Variants in CRADD observed in about 807,000 individuals in gnomAD.
CRADD encodes death domain-containing protein CRADD.
In CRADD, 9 loss-of-function variants were observed where a neutral mutation model predicts 15.5. The ratio of observed to expected loss-of-function variants is 0.58; its 90% CI spans 0.35 to 1.01. The LOEUF is 1.01. Ranked by LOEUF, CRADD falls within the 50% of genes least tolerant of loss-of-function variation. The pLI, the probability that CRADD is intolerant of heterozygous loss-of-function variation, is 0.02. For synonymous variants in CRADD, 118 were observed against 107.6 expected, an observed-to-expected ratio of 1.10 and a Z score of -0.60; for missense variants, 227 against 250.3, an observed-to-expected ratio of 0.91 and a Z score of 0.63.
chr12:93,818,775 G>A (rs1163326251), intron 2 of CRADD, among the ~76,000 whole-genome samples: 1 of 152,196 alleles, frequency 6.6e-6, no homozygotes, highest in Non-Finnish European at 1.5e-5. Context: ...AAACCACAGG[G>A]TGAGAGAACT....
chr12:93,801,165 T>C (rs77870722), intron 2 of CRADD, among the ~76,000 whole-genome samples: 1 of 152,210 alleles, frequency 6.6e-6, no homozygotes, highest in African/African-American at 2.4e-5. Context: ...ATTGGAGGTT[T>C]TGACATTTTC....
chr12:93,698,402 A>G (rs764951091), intron 2 of CRADD, among the ~76,000 whole-genome samples: 2 of 152,118 alleles, frequency 1.3e-5, no homozygotes, highest in Non-Finnish European at 2.9e-5. Context: ...AGAGAGTAAA[A>G]CCTCTGAATC....
intron 2 of CRADD, among the ~76,000 whole-genome samples, chr12:93,768,986 T>G (rs1168410446): frequency 6.6e-6 from 1 of 152,256 alleles, no homozygotes; most frequent in Non-Finnish European, 1.5e-5. Flanking sequence ...TTTTCACATG[T>G]ATTATTTGTT....
Position 93,678,972 on chromosome 12 carries a change from TA to T in CRADD, c.201del (p.Ala68HisfsTer6). 6.2e-7 allele frequency: 1 copy of T among 1,614,046 alleles called. No homozygotes were observed. Among genetic ancestry groups the T allele is most frequent in the Non-Finnish European group, 8.5e-7 (1 of 1,179,906 alleles). On this transcript the variant is annotated frameshift_variant, in exon 2 of 3. Transcript: ENST00000332896. LOFTEE classifies it high-confidence loss of function. ...TGGATATCCTACCTTCCAGGGGCCC[TA>T]AAGCATTTGATACATTCCTAGATTC... ...LLDILPSRGP[K>X]AFDTFLDSLQ... is the part of the protein sequence containing the mutation.
Position 93,850,139 on chromosome 12 carries a change from G to A in CRADD, c.468G>A (p.Val156=). ...YRCKANHPHN[V]QSQVVEAFIR... ...GTAAGGCCAACCACCCCCACAACGT[G>A]CAGTCGCAGGTGGTGGAGGCCTTCA... The change falls in exon 3 of 3, where the codon GTG becomes GTA. Residue 156 remains valine, a synonymous_variant. Coordinates refer to ENST00000332896, the MANE Select transcript of CRADD (RefSeq NM_003805.5). This position sits in a 1 kb window ranked among gnomAD's most constrained non-coding sequence, Gnocchi z 4.0. The A allele has an allele frequency of 6.2e-7, 1 of 1,614,122 alleles. No homozygotes were observed. Among genetic ancestry groups the A allele is most frequent in the Non-Finnish European group, 8.5e-7 (1 of 1,179,962 alleles).
At chr12:93,867,404 T>TAGA (rs1491540248) in intron 2 of CRADD, among the ~76,000 whole-genome samples, 1 of 127,292 alleles carries the variant, frequency 7.9e-6, no homozygotes, top group Non-Finnish European at 1.7e-5. Flanking sequence ...TATATATATA[T>TAGA]TTTTTAAACT....
At chr12:93,887,248 C>A (rs1253307432) in intron 2 of CRADD, among the ~76,000 whole-genome samples, 3 of 152,156 alleles carry the variant, frequency 2.0e-5, no homozygotes, top group Non-Finnish European at 4.4e-5. Flanking sequence ...GAGATCAAAA[C>A]GATGATTAAA....
chr12:93,724,887 G>A (rs940077051), intron 2 of CRADD, among the ~76,000 whole-genome samples: 1 of 151,772 alleles, frequency 6.6e-6, no homozygotes, highest in African/African-American at 2.4e-5. Flanking sequence ...TTGAGATGGA[G>A]TCTCGCTCTG....
At position 93,686,834 on chromosome 12, in the gene CRADD, TC is replaced by T. The variant is rs930480599; in HGVS notation, c.298+7765del. Among the ~76,000 whole-genome samples, 7 of 152,216 alleles carry T rather than the reference TC, an allele frequency of 4.6e-5. 1 individual carries two copies. Among genetic ancestry groups the T allele is most frequent in the Admixed American group, 4.6e-4 (7 of 15,286 alleles). On this transcript the variant is annotated intron_variant, in intron 2 of 2. Transcript: ENST00000332896. The stretch of plus-strand genomic sequence containing the variant: ...CTTTTTCTGCTGCGCAATCTTGGCT[TC>T]CCACTGAGTTTGAAATGGAATTGTA...
chr12:93,809,710 C>G (rs1957597630), intron 2 of CRADD, among the ~76,000 whole-genome samples: 1 of 152,184 alleles, frequency 6.6e-6, no homozygotes. Flanking sequence ...ATTGAATGAA[C>G]ACGGAATGAA....
intron 1 of CRADD, chr12:93,677,789 C>T (rs764758359): frequency 6.6e-6 from 1 of 152,348 alleles, no homozygotes; most frequent in African/African-American, 2.4e-5. Context: ...ACGTGAACAC[C>T]TCCCCTCCTC....
chr12:93,759,390 C>T (rs1402044051), intron 2 of CRADD, among the ~76,000 whole-genome samples: 2 of 151,676 alleles, frequency 1.3e-5, no homozygotes, highest in African/African-American at 4.8e-5. Context: ...AGTTTACAAA[C>T]TTCCTTTCTT....
intron 2 of CRADD, among the ~76,000 whole-genome samples, chr12:93,810,018 G>T (rs1010247386): frequency 1.3e-5 from 2 of 152,094 alleles, no homozygotes; most frequent in Non-Finnish European, 2.9e-5. Context: ...CATCAGCAAG[G>T]GCTGTGCTTC....
At chr12:93,761,087 C>T (rs967050901) in intron 2 of CRADD, among the ~76,000 whole-genome samples, 5 of 152,076 alleles carry the variant, frequency 3.3e-5, no homozygotes, top group Non-Finnish European at 7.4e-5. Flanking sequence ...TCAACTCTGG[C>T]TGCACTTTGC....
intron 2 of CRADD, among the ~76,000 whole-genome samples, chr12:93,863,617 T>TGTGTGTGC (rs1958336810): frequency 6.7e-6 from 1 of 150,022 alleles, no homozygotes; most frequent in Non-Finnish European, 1.5e-5. Flanking sequence ...TGTGTGTGTG[T>TGTGTGTGC]GTGTGTGTGT....
intron 2 of CRADD, among the ~76,000 whole-genome samples, chr12:93,690,112 A>C (rs1159499574): frequency 6.6e-6 from 1 of 152,166 alleles, no homozygotes; most frequent in Admixed American, 6.5e-5. Context: ...ACAGTGGGGG[A>C]TCTCAGGCCA....
At chr12:93,837,247 T>G (rs73222771) in intron 2 of CRADD, 3 of 121,592 alleles carry the variant, frequency 2.5e-5, no homozygotes, top group South Asian at 2.6e-4. Context: ...CATTTCACGT[T>G]TTTGTTTGTT....
intron 2 of CRADD, among the ~76,000 whole-genome samples, chr12:93,761,433 G>T (rs922246429): frequency 3.3e-5 from 5 of 152,162 alleles, no homozygotes; most frequent in Non-Finnish European, 7.4e-5. Context: ...GGGAGAAGTG[G>T]TCACTTTCAG....
At chr12:93,715,735 T>A (rs1332253530) in intron 2 of CRADD, among the ~76,000 whole-genome samples, 2 of 152,220 alleles carry the variant, frequency 1.3e-5, no homozygotes, top group Non-Finnish European at 1.5e-5. Flanking sequence ...TCCAAACTCT[T>A]TTTACTTGTA....
Sources: allele counts gnomAD v4.1 joint callset (sites outside exome capture counted in the v4.1 genomes callset), GRCh38; gene constraint gnomAD v4.1.1; non-coding constraint Gnocchi (gnomAD v3.1); transcripts MANE v1.5; gene names NCBI Gene and HGNC (gene_info 2026-07-23, HGNC 2026-07-21).